Variants in SNRNP70 observed in about 807,000 individuals in gnomAD.
SNRNP70 encodes the protein small nuclear ribonucleoprotein U1 subunit 70, also known as U1 small nuclear ribonucleoprotein 70 kDa.
In SNRNP70, 8 loss-of-function variants were observed where a neutral mutation model predicts 50.5. The observed-to-expected ratio is 0.16, with a 90% CI of 0.09 to 0.29. The LOEUF (loss-of-function observed/expected upper bound fraction) is 0.29. Among genes scored for constraint, SNRNP70 ranks in the 10% least tolerant of loss-of-function variants. The pLI is 1.00. For synonymous variants in SNRNP70, 320 were observed against 252.9 expected (o/e 1.27, Z -2.52); for missense variants, 529 against 663.5 (o/e 0.80, Z 2.23).
At chr19:49,089,048 T>C (rs1366057318) in intron 2 of SNRNP70, among the ~76,000 whole-genome samples, 1 of 152,174 alleles carries the variant, frequency 6.6e-6, no homozygotes, top group Non-Finnish European at 1.5e-5. Context: ...GAAGACAGGG[T>C]GTTTCCTAAA....
chr19:49,098,614 A>G (rs768431245), intron 5 of SNRNP70, 28 bp from the exon 6 acceptor site: 13 of 1,611,108 alleles, frequency 8.1e-6, no homozygotes, highest in Non-Finnish European at 1.1e-5. Flanking sequence ...CTGTTCTCCC[A>G]TTTAACGTCA....
At chr19:49,096,795 A>G (rs1031134541) in intron 4 of SNRNP70, among the ~76,000 whole-genome samples, 4 of 152,088 alleles carry the variant, frequency 2.6e-5, no homozygotes, top group African/African-American at 9.6e-5. Flanking sequence ...CCTTAAAGTC[A>G]TCTTGACCTT....
chr19:49,086,285 G>A (rs1294177253), intron 1 of SNRNP70, 120 bp from the exon 2 acceptor site: 1 of 1,157,896 alleles, frequency 8.6e-7, no homozygotes, highest in African/African-American at 1.6e-5. Flanking sequence ...TGCCCTTACA[G>A]AGCCTGTTTT....
chr19:49,099,298 A>G (rs2040551374), intron 6 of SNRNP70, among the ~76,000 whole-genome samples: 1 of 152,072 alleles, frequency 6.6e-6, no homozygotes, highest in Non-Finnish European at 1.5e-5. Flanking sequence ...ATATTTATAC[A>G]TGTCAGGCCG....
At position 49,104,024 on chromosome 19, in the gene SNRNP70, C is replaced by T. The variant is rs1013934174; in HGVS notation, c.476-610C>T. The stretch of plus-strand genomic sequence containing the variant: ...CCCTGCTGCAGGGGCCCCGCCAGGC[C>T]CCCTGGGAGTGTATAACCCGCCTCT... On this transcript the variant is annotated intron_variant, in intron 7 of 9. Coordinates refer to ENST00000598441, the MANE Select transcript of SNRNP70 (RefSeq NM_003089.6). The surrounding 1 kb of genome is among the most constrained non-coding windows in gnomAD (Gnocchi z 5.4). 1.3e-5 allele frequency: 2 copies of T among 152,364 alleles called. No individual in the cohort carries two copies. Among genetic ancestry groups the T allele is most frequent in the Non-Finnish European group, 2.9e-5 (2 of 68,242 alleles). The allele number at this position is 152,364 out of a possible 1,614,324, so 9.4% of individuals were successfully genotyped here.
rs1204872811 is a variant in SNRNP70 at position 49,107,872 on chromosome 19, G to A, written c.743G>A (p.Arg248Gln). ...ERERRERSRE[R>Q]DKERERRRSR... ...GAGCGCAGAGAGCGGAGCCGGGAGC[G>A]AGACAAGGAGCGAGAACGGCGACGC... Residue 248 changes from arginine (R) to glutamine (Q), a missense_variant, in exon 10 of 10, where the codon CGA (arginine) becomes CAA (glutamine). Arg to Gln is a conservative substitution (Grantham distance 43, BLOSUM62 1). Around this residue, in one of 4 missense-constraint regions of SNRNP70, gnomAD observed 53 missense variants for 78.6 expected, o/e 0.67. Coordinates refer to ENST00000598441, the MANE Select transcript of SNRNP70 (RefSeq NM_003089.6). This position sits in a 1 kb window ranked among gnomAD's most constrained non-coding sequence, Gnocchi z 6.0. 5 of 1,556,526 alleles carry A rather than the reference G, an allele frequency of 3.2e-6. No homozygotes were observed. The highest frequency in any genetic ancestry group is 4.3e-6 in the Non-Finnish European group (5 of 1,150,934).
rs2040707172 is a variant in SNRNP70 at position 49,108,238 on chromosome 19, G to A, written c.1109G>A (p.Arg370His). 4.6e-6 allele frequency: 7 copies of A among 1,536,154 alleles called. No individual in the cohort carries two copies. The highest frequency in any genetic ancestry group is 1.2e-5 in the South Asian group (1 of 82,296). ...SERERRRDRD[R>H]DRDRDREHKR... ...CGCGAGCGGCGCCGGGACCGGGATC[G>A]TGACCGTGACCGTGACCGCGAGCAC... Residue 370 changes from arginine (R) to histidine (H), a missense_variant, in exon 10 of 10, where the codon CGT becomes CAT. Physicochemically the swap from Arg to His is conservative, Grantham distance 29. Coordinates refer to ENST00000598441, the MANE Select transcript of SNRNP70 (RefSeq NM_003089.6).
chr19:49,093,284 C>T (rs1452337596), intron 4 of SNRNP70, among the ~76,000 whole-genome samples: 1 of 151,662 alleles, frequency 6.6e-6, no homozygotes, highest in African/African-American at 2.4e-5. Context: ...CAGGGTTTCT[C>T]CATGTTGGTC....
intron 7 of SNRNP70, 95 bp downstream of exon 7, chr19:49,101,566 A>G: frequency 1.3e-6 from 1 of 771,544 alleles, no homozygotes; most frequent in Non-Finnish European, 2.3e-6. Context: ...ACCCTGCCAC[A>G]CCTGACATTA....
intron 8 of SNRNP70, among the ~76,000 whole-genome samples, chr19:49,105,578 T>C (rs754559839): frequency 6.6e-6 from 1 of 151,828 alleles, no homozygotes; most frequent in African/African-American, 2.4e-5. Context: ...AATACAAAAA[T>C]TAACTGGGCG....
chr19:49,104,832 G>C lies in SNRNP70; in HGVS notation c.577+97G>C. On this transcript the variant is annotated intron_variant, in intron 8 of 9. Transcript: ENST00000598441. This position sits in a 1 kb window ranked among gnomAD's most constrained non-coding sequence, Gnocchi z 5.4. The stretch of plus-strand genomic sequence containing the variant: ...GCTTTCTGCTTCTCTGTCTCCTGCC[G>C]GCCCACCTCTCCCATCGCGTCCTCA... The C allele has an allele frequency of 1.4e-6, 1 of 722,954 alleles. No individual in the cohort carries two copies. 44.8% of individuals were successfully genotyped at this position (722,954 alleles called of 1,614,324 possible).
At chr19:49,101,795 C>A in intron 7 of SNRNP70, 1 of 401,124 alleles carries the variant, frequency 2.5e-6, no homozygotes, top group Non-Finnish European at 4.8e-6. Flanking sequence ...TTGGGGGAAC[C>A]TCCCCCATTC....
intron 6 of SNRNP70, 74 bp downstream of exon 6, chr19:49,098,778 G>C: frequency 8.2e-7 from 1 of 1,225,142 alleles, no homozygotes; most frequent in Non-Finnish European, 1.2e-6. Context: ...GGGAGGGAGA[G>C]AGGTCCCAGC....
Position 49,107,420 on chromosome 19 carries a change from C to T in SNRNP70, c.578-205C>T, listed in dbSNP as rs541341963. 3.9e-5 allele frequency among the ~76,000 whole-genome samples: 6 copies of T among 152,286 alleles called. No individual in the cohort carries two copies. In the East Asian group the frequency reaches 5.8e-4, roughly 15 times the overall value. On this transcript the variant is annotated intron_variant, in intron 8 of 9. Coordinates refer to ENST00000598441, the MANE Select transcript of SNRNP70 (RefSeq NM_003089.6). This position sits in a 1 kb window ranked among gnomAD's most constrained non-coding sequence, Gnocchi z 6.0. ...GGTTCCAGTAACGGCTGTTGCCTAG[C>T]GAACGCTTTGTGTGAGTTAATTAGA... is the stretch of plus-strand genomic sequence containing the variant.
rs140186118 is a variant in SNRNP70, at chr19:49,108,359, C to T, written c.1230C>T (p.Ser410=). ...GGCTGGAGGGTCTGGGCAACGACAGCCGAGACATGTACATGGAGTCTGAGG... is the reference window on the plus strand; with the variant it reads ...GGCTGGAGGGTCTGGGCAACGACAGTCGAGACATGTACATGGAGTCTGAGG... ...DNGLEGLGND[S]RDMYMESEGG... is the part of the protein sequence containing the mutation. The change falls in exon 10 of 10, where the codon AGC becomes AGT. Residue 410 remains serine (S), a synonymous_variant. Coordinates refer to ENST00000598441, the MANE Select transcript of SNRNP70 (RefSeq NM_003089.6). 4.3e-6 allele frequency: 7 copies of T among 1,609,856 alleles called. No homozygotes were observed. The highest frequency in any genetic ancestry group is 5.9e-6 in the Non-Finnish European group (7 of 1,178,202).
chr19:49,106,491 A>C (rs1172078377), intron 8 of SNRNP70, among the ~76,000 whole-genome samples: 1 of 152,202 alleles, frequency 6.6e-6, no homozygotes, highest in African/African-American at 2.4e-5. Flanking sequence ...ACCTGAATAT[A>C]GGAAAGGCTA....
intron 2 of SNRNP70, among the ~76,000 whole-genome samples, 181 bp from the exon 3 acceptor site, chr19:49,090,110 T>A (rs1483557518): frequency 6.6e-6 from 1 of 151,534 alleles, no homozygotes; most frequent in Non-Finnish European, 1.5e-5. Flanking sequence ...TGTGCGTGGC[T>A]GCAGACCTTG....
chr19:49,094,955 C>G (rs1161668296), intron 4 of SNRNP70, among the ~76,000 whole-genome samples: 1 of 152,240 alleles, frequency 6.6e-6, no homozygotes, highest in Non-Finnish European at 1.5e-5. Context: ...CGTTGAGTCT[C>G]TGCTCTGGGC....
chr19:49,095,199 C>T (rs2040497735), intron 4 of SNRNP70, among the ~76,000 whole-genome samples: 2 of 152,268 alleles, frequency 1.3e-5, no homozygotes, highest in African/African-American at 2.4e-5. Context: ...CTCCAGGGAA[C>T]TCACACAGTG....
Sources: allele counts gnomAD v4.1 joint callset (sites outside exome capture counted in the v4.1 genomes callset), GRCh38; gene constraint gnomAD v4.1.1; regional missense constraint gnomAD v4.1.1; non-coding constraint Gnocchi (gnomAD v3.1); transcripts MANE v1.5; gene names NCBI Gene and HGNC (gene_info 2026-07-23, HGNC 2026-07-21).